The following BIRC2 variants were observed in gnomAD, a reference collection of about 807,000 sequenced individuals.
BIRC2 encodes the protein baculoviral IAP repeat-containing protein 2.
In BIRC2, 18 loss-of-function variants were observed where a neutral mutation model predicts 60.9. The ratio of observed to expected loss-of-function variants is 0.30; its 90% CI spans 0.20 to 0.44. The LOEUF is 0.44. BIRC2 is among the 20% of genes least tolerant of loss of function. BIRC2 has a pLI of 1.00. For missense variants in BIRC2, 701 were observed against 728.5 expected, an observed-to-expected ratio of 0.96 and a Z score of 0.43; for synonymous variants, 282 against 247.7, an observed-to-expected ratio of 1.14 and a Z score of -1.30.
chr11:102,351,614 C>CAAAAAAAAAA (rs768269523), intron 3 of BIRC2, among the ~76,000 whole-genome samples: 24 of 68,554 alleles, frequency 3.5e-4, no homozygotes, highest in East Asian at 7.7e-4. Context: ...GACTCTGTCT[C>CAAAAAAAAAA]AAAAAAAAAA....
intron 5 of BIRC2, 75 bp downstream of exon 5, chr11:102,363,791 T>G: frequency 1.7e-6 from 2 of 1,206,934 alleles, no homozygotes; most frequent in Admixed American, 3.7e-5. Flanking sequence ...GTGCAGTGGC[T>G]CATGCCTGTA....
intron 5 of BIRC2, among the ~76,000 whole-genome samples, chr11:102,365,743 A>AGTGTGTGTGTGTGTGTGTGTGTGT (rs34130638): frequency 4.1e-5 from 6 of 147,568 alleles, no homozygotes; most frequent in African/African-American, 1.5e-4. Flanking sequence ...CATTCAGCTA[A>AGTGTGTGTGTGTGTGTGTGTGTGT]GTGTGTGTGT....
At position 102,366,033 on chromosome 11, in the gene BIRC2, G is replaced by T. The variant is rs187986410; in HGVS notation, c.1124-2273G>T. Among the ~76,000 whole-genome samples, 461 of 152,118 alleles carry T rather than the reference G, an allele frequency of 3.0e-3. 9 individuals are homozygous for T. Among genetic ancestry groups the T allele is most frequent in the South Asian group, 4.8e-3 (23 of 4,820 alleles). ...TCAAAATGTTGGAGTACCCCTCATA[G>T]CTCAGCTTAAATTTATTTCTCCATT... On this transcript the variant is annotated intron_variant, in intron 5 of 8. Transcript: ENST00000227758.
intron 3 of BIRC2, among the ~76,000 whole-genome samples, chr11:102,356,432 G>C (rs567636602): frequency 6.6e-6 from 1 of 151,620 alleles, no homozygotes; most frequent in East Asian, 2.0e-4. Context: ...TCCTGACCTC[G>C]TGATCCACCT....
At chr11:102,353,201 G>C (rs914760408) in intron 3 of BIRC2, among the ~76,000 whole-genome samples, 2 of 152,088 alleles carry the variant, frequency 1.3e-5, no homozygotes, top group Non-Finnish European at 2.9e-5. Flanking sequence ...GCTACATTTT[G>C]TACCTTATAA....
intron 3 of BIRC2, among the ~76,000 whole-genome samples, chr11:102,362,591 A>G (rs1951497287): frequency 6.6e-6 from 1 of 152,214 alleles, no homozygotes; most frequent in Admixed American, 6.5e-5. Context: ...TAAGCACAAA[A>G]TAGATTGTGT....
intron 5 of BIRC2, among the ~76,000 whole-genome samples, chr11:102,364,139 T>TTATTTATATA (rs1555048337): frequency 3.1e-4 from 19 of 61,402 alleles, no homozygotes; most frequent in African/African-American, 7.0e-4. Flanking sequence ...CTAATAAATA[T>TTATTTATATA]TATATATATA....
Position 102,378,271 on chromosome 11 carries a change from A to T in BIRC2, c.*88A>T. 1 of 1,104,268 alleles carries T rather than the reference A, an allele frequency of 9.1e-7. No individual in the cohort carries two copies. The highest frequency in any genetic ancestry group is 1.2e-6 in the Non-Finnish European group (1 of 809,398). The allele number at this position is 1,104,268 out of a possible 1,614,324, so 68.4% of individuals were successfully genotyped here. Reference sequence around the variant, plus strand: ...AGCCATCTAAAGTAAAAAGGGAATTATGAGTTTTTCAATTAGTAACATTCA... The same window carrying T: ...AGCCATCTAAAGTAAAAAGGGAATTTTGAGTTTTTCAATTAGTAACATTCA... On this transcript the variant is annotated 3_prime_UTR_variant, in exon 9 of 9. Transcript: ENST00000227758.
intron 6 of BIRC2, among the ~76,000 whole-genome samples, chr11:102,374,303 C>G (rs1384616514): frequency 2.0e-5 from 3 of 150,790 alleles, no homozygotes; most frequent in Non-Finnish European, 3.0e-5. Flanking sequence ...GTGGTTTTAT[C>G]TATTTTTGGT....
At position 102,363,693 on chromosome 11, in the gene BIRC2, GAGA is replaced by G. The variant is rs774750171; in HGVS notation, c.1105_1107del (p.Glu369del). 1.9e-6 allele frequency: 3 copies of G among 1,611,806 alleles called. No individual in the cohort carries two copies. In the South Asian group the frequency reaches 3.3e-5, roughly 18 times the overall value. ...CTGTTGTCAACTTCAGATACCACTGGAGAAGAAAATGCTGACCCACCAAGTATG... is the reference window on the plus strand; with the variant it reads ...CTGTTGTCAACTTCAGATACCACTGGAGAAAATGCTGACCCACCAAGTATG... On this transcript the variant is annotated inframe_deletion, in exon 5 of 9. Coordinates refer to ENST00000227758, the MANE Select transcript of BIRC2 (RefSeq NM_001166.5).
intron 6 of BIRC2, among the ~76,000 whole-genome samples, chr11:102,372,367 T>G (rs1022216720): frequency 1.6e-4 from 25 of 152,142 alleles, no homozygotes; most frequent in African/African-American, 6.0e-4. Context: ...TGGTATGTTG[T>G]GTGTTTGTTC....
chr11:102,362,811 A>G (rs1411414818), intron 3 of BIRC2, 85 bp from the exon 4 acceptor site: 5 of 1,057,080 alleles, frequency 4.7e-6, no homozygotes, highest in Non-Finnish European at 2.8e-6. Flanking sequence ...GTACAATGAA[A>G]GATTTGAAAG....
Position 102,350,379 on chromosome 11 carries a change from C to G in BIRC2, c.525C>G (p.Asn175Lys), listed in dbSNP as rs139349997. The G allele has an allele frequency of 5.6e-6, 9 of 1,614,206 alleles. No individual in the cohort carries two copies. The East Asian group carries it at 2.0e-4, about 36-fold the overall frequency. ...AAGACATCTCTTCATCGAGGACTAA[C>G]CCCTACAGTTATGCAATGAGTACTG... is the stretch of plus-strand genomic sequence containing the variant. Reference protein sequence around the residue: ...AVEDISSSRTNPYSYAMSTEE... With the variant: ...AVEDISSSRTKPYSYAMSTEE... The change falls in exon 2 of 9, where the codon AAC becomes AAG. Residue 175 changes from asparagine to lysine, a missense_variant. Around this residue, in one of 4 missense-constraint regions of BIRC2, gnomAD observed 375 missense variants for 365.9 expected, o/e 1.02. Coordinates refer to ENST00000227758, the MANE Select transcript of BIRC2 (RefSeq NM_001166.5).
rs957955369 is a variant in BIRC2 at position 102,358,179 on chromosome 11, T to C, written c.996-4717T>C. Among the ~76,000 whole-genome samples, 8 of 152,324 alleles carry C rather than the reference T, an allele frequency of 5.3e-5. No homozygotes were observed. The East Asian group carries it at 7.7e-4, about 15-fold the overall frequency. ...CATGATCTACGCTGGATAATTTTTCTTGTGTGCTTAAGAAGAATGTGTATT... is the reference window on the plus strand; with the variant it reads ...CATGATCTACGCTGGATAATTTTTCCTGTGTGCTTAAGAAGAATGTGTATT... On this transcript the variant is annotated intron_variant, in intron 3 of 8. Transcript: ENST00000227758.
rs1156808234 is a variant in BIRC2, at chr11:102,348,704, T to C, written c.-1151T>C. 2.5e-6 allele frequency: 1 copy of C among 398,798 alleles called. No homozygotes were observed. Among genetic ancestry groups the C allele is most frequent in the Non-Finnish European group, 4.9e-6 (1 of 203,694 alleles). 24.7% of individuals were successfully genotyped at this position (398,798 alleles called of 1,614,324 possible). A position where few individuals can be genotyped will look rare whatever the true frequency, so the allele number is the denominator to read the frequency against. Reference sequence around the variant, plus strand: ...ATAAAGGGATATAGTTTGAATTCTATGGAGTGTAATTTTGTGTATGAATTA... The same window carrying C: ...ATAAAGGGATATAGTTTGAATTCTACGGAGTGTAATTTTGTGTATGAATTA... On this transcript the variant is annotated 5_prime_UTR_variant, in exon 2 of 9. An upstream start codon of the reference 5' UTR is lost. Coordinates refer to ENST00000227758, the MANE Select transcript of BIRC2 (RefSeq NM_001166.5).
intron 6 of BIRC2, among the ~76,000 whole-genome samples, chr11:102,372,902 A>G (rs1173629632): frequency 6.9e-6 from 1 of 144,808 alleles, no homozygotes; most frequent in African/African-American, 2.6e-5. Flanking sequence ...TGTTGAATTG[A>G]TCCCTTTACC....
rs1290393404 is a variant in BIRC2, at chr11:102,377,568, A to G, written c.1439A>G (p.Asp480Gly). Residue 480 changes from aspartate (D) to glycine (G), a missense_variant, in exon 7 of 9, where the codon GAT (aspartate) becomes GGT (glycine). Transcript: ENST00000227758. Reference sequence around the variant, plus strand: ...TTGACATGTGTGCTTCCTATCCTGGATAATCTTTTAAAGGCCAATGTAATT... The same window carrying G: ...TTGACATGTGTGCTTCCTATCCTGGGTAATCTTTTAAAGGCCAATGTAATT... ...QQLTCVLPILDNLLKANVINK... is the reference protein window; with the variant it reads ...QQLTCVLPILGNLLKANVINK... 1.2e-6 allele frequency: 2 copies of G among 1,611,250 alleles called. No individual in the cohort carries two copies. The highest frequency in any genetic ancestry group is 2.2e-5 in the East Asian group (1 of 44,834).
chr11:102,352,238 C>G (rs1001598713), intron 3 of BIRC2, among the ~76,000 whole-genome samples: 8 of 149,448 alleles, frequency 5.4e-5, no homozygotes, highest in African/African-American at 1.7e-4. Context: ...CTCAGCCTCC[C>G]GAGTAGCTGG....
intron 5 of BIRC2, among the ~76,000 whole-genome samples, chr11:102,364,378 A>C (rs577899676): frequency 6.6e-6 from 1 of 151,868 alleles, no homozygotes; most frequent in Admixed American, 6.6e-5. Context: ...CAAATAATAA[A>C]CCCTCCAGAA....
Sources: gnomAD v4.1 joint callset for allele counts (sites outside exome capture counted in the v4.1 genomes callset) on GRCh38, gnomAD v4.1.1 for gene constraint, gnomAD v4.1.1 regional missense constraint, MANE v1.5 for transcripts, NCBI Gene and HGNC (gene_info 2026-07-23, HGNC 2026-07-21) for gene names.